Variants in TMC1 observed in about 807,000 individuals in gnomAD.
TMC1 encodes the protein transmembrane channel-like protein 1.
A neutral mutation model predicts 105.8 loss-of-function variants in TMC1; 84 were observed. That is an observed-to-expected ratio of 0.79 (90% CI 0.67 to 0.95). The LOEUF is 0.95. TMC1 is among the 40% of genes least tolerant of loss of function. The probability of loss-of-function intolerance (pLI) is 0.00; values close to 1 mark genes in which losing one functional copy is unlikely to be tolerated. For missense variants in TMC1, 817 were observed against 914.1 expected, an observed-to-expected ratio of 0.89 and a Z score of 1.37; for synonymous variants, 315 against 311.5, an observed-to-expected ratio of 1.01 and a Z score of -0.12.
Position 72,710,112 on chromosome 9 carries a change from C to T in TMC1, c.362+9469C>T, listed in dbSNP as rs1826811892. Among the ~76,000 whole-genome samples, 3 of 152,148 alleles carry T rather than the reference C, an allele frequency of 2.0e-5. No homozygotes were observed. The South Asian group carries it at 6.2e-4, about 32-fold the overall frequency. ...CATCTTGATTTCATTGTTGACCCAA[C>T]AATCATTCAGGAGCATGTACTTTAA... On this transcript the variant is annotated intron_variant, in intron 8 of 23. Transcript: ENST00000297784.
intron 10 of TMC1, among the ~76,000 whole-genome samples, chr9:72,751,420 A>G (rs7468105): frequency 0.11 from 17,282 of 152,260 alleles, 1,182 homozygotes; most frequent in African/African-American, 0.2. Flanking sequence ...TGAGAAAAGG[A>G]AGAGAAAATA....
At chr9:72,525,822 TACTAAAAATACAAAA>T (rs1032686460) in intron 1 of TMC1, among the ~76,000 whole-genome samples, 2 of 152,140 alleles carry the variant, frequency 1.3e-5, no homozygotes, top group Non-Finnish European at 2.9e-5. Flanking sequence ...ACCCCGTCTC[TACTAAAAATACAAAA>T]ATTAGCCGGG....
intron 7 of TMC1, among the ~76,000 whole-genome samples, chr9:72,697,679 T>C (rs1445415682): frequency 1.3e-5 from 2 of 152,104 alleles, no homozygotes; most frequent in East Asian, 3.9e-4. Context: ...TTTGGTGATG[T>C]TGGATTAGAG....
intron 12 of TMC1, among the ~76,000 whole-genome samples, chr9:72,760,449 C>T (rs1827738770): frequency 6.6e-6 from 1 of 152,028 alleles, no homozygotes; most frequent in African/African-American, 2.4e-5. Context: ...AGCAGGCATC[C>T]CTGGGCTTTT....
At chr9:72,611,174 A>G (rs2132119860) in intron 2 of TMC1, among the ~76,000 whole-genome samples, 1 of 152,334 alleles carries the variant, frequency 6.6e-6, no homozygotes, top group South Asian at 2.1e-4. Context: ...TACAAGATGC[A>G]GCTTTAATTG....
chr9:72,810,305 TTC>T (rs1828679498), intron 18 of TMC1, among the ~76,000 whole-genome samples: 1 of 152,134 alleles, frequency 6.6e-6, no homozygotes, highest in South Asian at 2.1e-4. Flanking sequence ...TACTTGAGAA[TTC>T]TGTCAGAAAT....
intron 2 of TMC1, among the ~76,000 whole-genome samples, chr9:72,597,247 G>T (rs1302612173): frequency 6.6e-6 from 1 of 152,252 alleles, no homozygotes; most frequent in Non-Finnish European, 1.5e-5. Flanking sequence ...CTCACAGAAA[G>T]AAAGAATGAT....
chr9:72,831,807 T>C (rs929271079), intron 23 of TMC1, among the ~76,000 whole-genome samples: 7 of 152,116 alleles, frequency 4.6e-5, no homozygotes, highest in African/African-American at 1.7e-4. Flanking sequence ...ATGGTGTATA[T>C]GTGCCACATT....
chr9:72,796,484 G>A (rs1161402857), intron 17 of TMC1, among the ~76,000 whole-genome samples: 1 of 152,152 alleles, frequency 6.6e-6, no homozygotes, highest in Non-Finnish European at 1.5e-5. Context: ...CAAAATACTT[G>A]CAAACCGAAT....
chr9:72,828,660 A>G (rs565807750), intron 21 of TMC1, among the ~76,000 whole-genome samples: 6 of 152,342 alleles, frequency 3.9e-5, no homozygotes, highest in African/African-American at 1.4e-4. Context: ...GGCTTCATTA[A>G]TCATACTATC....
chr9:72,660,532 T>G (rs1284055895), intron 5 of TMC1, among the ~76,000 whole-genome samples: 1 of 152,168 alleles, frequency 6.6e-6, no homozygotes. Context: ...GCACAAAAAT[T>G]TTTTCAGAGC....
chr9:72,611,578 A>T (rs1825025079), intron 2 of TMC1, among the ~76,000 whole-genome samples: 3 of 152,130 alleles, frequency 2.0e-5, no homozygotes, highest in Admixed American at 2.0e-4. Context: ...GGGCATGAGC[A>T]GAGAAGGTAG....
intron 9 of TMC1, 78 bp from the exon 10 acceptor site, chr9:72,742,362 TTGTA>T (rs1827404139): frequency 1.9e-6 from 2 of 1,052,986 alleles, no homozygotes; most frequent in Admixed American, 3.7e-5. Flanking sequence ...GCTTACTGCA[TTGTA>T]ATGTTTTGAG....
At chr9:72,751,806 T>C in intron 10 of TMC1, 44 bp from the exon 11 acceptor site, 1 of 1,280,630 alleles carries the variant, frequency 7.8e-7, no homozygotes, top group Non-Finnish European at 1.1e-6. Context: ...TGTTTGTTTG[T>C]TTGCTTTGAT....
intron 5 of TMC1, among the ~76,000 whole-genome samples, chr9:72,649,624 A>T (rs551706725): frequency 6.6e-6 from 1 of 152,302 alleles, no homozygotes; most frequent in Admixed American, 6.5e-5. Flanking sequence ...TTGCTTTTGA[A>T]AAAACAAAAA....
chr9:72,571,906 G>C (rs879268486), intron 1 of TMC1, among the ~76,000 whole-genome samples: 5 of 150,672 alleles, frequency 3.3e-5, no homozygotes, highest in African/African-American at 9.8e-5. Flanking sequence ...GCGTAATCTC[G>C]GCTCACCGCA....
intron 5 of TMC1, among the ~76,000 whole-genome samples, chr9:72,670,824 A>G (rs969153857): frequency 6.6e-6 from 1 of 152,256 alleles, no homozygotes; most frequent in Non-Finnish European, 1.5e-5. Context: ...CAAAACATGT[A>G]TGACAACAGT....
intron 5 of TMC1, among the ~76,000 whole-genome samples, chr9:72,677,402 C>T (rs1826220136): frequency 6.6e-6 from 1 of 152,092 alleles, no homozygotes; most frequent in Non-Finnish European, 1.5e-5. Context: ...CTGATTTCCT[C>T]AGTCTACCAA....
chr9:72,828,263 G>A (rs1462224160), intron 21 of TMC1, among the ~76,000 whole-genome samples: 1 of 152,142 alleles, frequency 6.6e-6, no homozygotes, highest in African/African-American at 2.4e-5. Flanking sequence ...ATTAGAAAAT[G>A]ACCTACTGAA....
Sources: allele counts gnomAD v4.1 joint callset (sites outside exome capture counted in the v4.1 genomes callset), GRCh38; gene constraint gnomAD v4.1.1; transcripts MANE v1.5; gene names NCBI Gene and HGNC (gene_info 2026-07-23, HGNC 2026-07-21).